SHTN1: variants seen among roughly 807,000 people sequenced by gnomAD.
SHTN1 encodes the protein shootin-1.
A neutral mutation model predicts 83.1 loss-of-function variants in SHTN1; 42 were observed. The ratio of observed to expected loss-of-function variants is 0.51; its 90% CI spans 0.39 to 0.65. The LOEUF is 0.65. Ranked by LOEUF, SHTN1 falls within the 30% of genes least tolerant of loss-of-function variation. The probability of loss-of-function intolerance (pLI) is 0.00; values close to 1 mark genes in which losing one functional copy is unlikely to be tolerated. For synonymous variants in SHTN1, 224 were observed against 247.7 expected, an observed-to-expected ratio of 0.90 and a Z score of 0.90; for missense variants, 622 against 737.8, an observed-to-expected ratio of 0.84 and a Z score of 1.82.
chr10:116,964,832 G>A (rs1326803070), intron 3 of SHTN1, among the ~76,000 whole-genome samples: 2 of 151,940 alleles, frequency 1.3e-5, no homozygotes, highest in Admixed American at 1.3e-4. Context: ...AAAATACAAA[G>A]TTAGCTGCCT....
intron 6 of SHTN1, among the ~76,000 whole-genome samples, chr10:116,949,390 G>A (rs1044090755): frequency 5.3e-5 from 8 of 151,992 alleles, no homozygotes; most frequent in Non-Finnish European, 7.4e-5. Flanking sequence ...TCAGCCTCCC[G>A]AAGTGCTGGG....
intron 1 of SHTN1, among the ~76,000 whole-genome samples, chr10:117,074,162 T>C (rs1379461078): frequency 6.6e-6 from 1 of 152,226 alleles, no homozygotes; most frequent in Admixed American, 6.5e-5. Flanking sequence ...ATTAGAAAGC[T>C]AATAGTCTCT....
intron 12 of SHTN1, among the ~76,000 whole-genome samples, chr10:116,920,089 C>T (rs1848503420): frequency 6.6e-6 from 1 of 152,070 alleles, no homozygotes; most frequent in Non-Finnish European, 1.5e-5. Flanking sequence ...GACATTAAAT[C>T]CTTAAAGTAA....
At chr10:117,009,377 G>A (rs1021860333), upstream of SHTN1, among the ~76,000 whole-genome samples, 10 of 151,620 alleles carry the variant, frequency 6.6e-5, no homozygotes, top group African/African-American at 2.4e-4. Context: ...CTGGCAGGAT[G>A]CAAAAAAAAG....
chr10:117,055,330 C>CT (rs2133591642), intron 1 of SHTN1, among the ~76,000 whole-genome samples: 1 of 152,260 alleles, frequency 6.6e-6, no homozygotes, highest in East Asian at 1.9e-4. Flanking sequence ...CTCAAGGCTT[C>CT]TTGGGTTTGT....
chr10:117,115,388 A>C (rs1415111098), intron 1 of SHTN1, among the ~76,000 whole-genome samples: 1 of 151,620 alleles, frequency 6.6e-6, no homozygotes, highest in Non-Finnish European at 1.5e-5. Context: ...GCAGCTAAAG[A>C]AAAAAAAAGG....
At chr10:117,117,715 T>A (rs554376701) in intron 1 of SHTN1, among the ~76,000 whole-genome samples, 2 of 152,162 alleles carry the variant, frequency 1.3e-5, no homozygotes, top group Admixed American at 1.3e-4. Context: ...GGAAACAGAA[T>A]AAAGAACCAA....
intron 1 of SHTN1, among the ~76,000 whole-genome samples, chr10:116,981,814 T>TTTGAGAGGGTGAGGCGGGCAGATC (rs1851028819): frequency 6.6e-6 from 1 of 152,142 alleles, no homozygotes; most frequent in Non-Finnish European, 1.5e-5. Flanking sequence ...ATGCCAGCAC[T>TTTGAGAGGGTGAGGCGGGCAGATC]TTGAGAGGGT....
chr10:116,968,623 A>C, intron 3 of SHTN1, 29 bp downstream of exon 3: 2 of 1,540,942 alleles, frequency 1.3e-6, no homozygotes, highest in South Asian at 1.1e-5. Context: ...TATATGTGTT[A>C]TAATAATTCC....
chr10:116,899,372 T>A (rs1193003260), intron 16 of SHTN1, among the ~76,000 whole-genome samples: 1 of 151,964 alleles, frequency 6.6e-6, no homozygotes, highest in Non-Finnish European at 1.5e-5. Context: ...GAGCAACACA[T>A]CCATGGAGGC....
chr10:117,019,607 C>T (rs1471783640), intron 2 of SHTN1, among the ~76,000 whole-genome samples: 3 of 151,708 alleles, frequency 2.0e-5, no homozygotes, highest in African/African-American at 7.3e-5. Context: ...TTTGGGAGGC[C>T]AAGGTGGGAA....
upstream of SHTN1, among the ~76,000 whole-genome samples, chr10:117,008,332 A>G (rs914296675): frequency 6.6e-6 from 1 of 152,026 alleles, no homozygotes; most frequent in Non-Finnish European, 1.5e-5. Context: ...GTAAAATCAC[A>G]TATGTCATCT....
chr10:116,904,827 T>C (rs1393669428), intron 15 of SHTN1, among the ~76,000 whole-genome samples: 1 of 152,188 alleles, frequency 6.6e-6, no homozygotes, highest in Non-Finnish European at 1.5e-5. Context: ...ACAATGTTTC[T>C]GGAGAAACGA....
chr10:116,996,432 T>A (rs1851629239), intron 1 of SHTN1, among the ~76,000 whole-genome samples: 1 of 152,166 alleles, frequency 6.6e-6, no homozygotes, highest in Non-Finnish European at 1.5e-5. Context: ...GATACAAACA[T>A]AAGAGAAATC....
At chr10:117,069,734 A>T (rs531614115) in intron 1 of SHTN1, among the ~76,000 whole-genome samples, 117 of 152,266 alleles carry the variant, frequency 7.7e-4, no homozygotes, top group African/African-American at 2.6e-3. Flanking sequence ...AGGAGAAGAG[A>T]GATCAGAGCA....
intron 1 of SHTN1, among the ~76,000 whole-genome samples, chr10:117,064,959 A>G (rs1005667233): frequency 2.0e-5 from 3 of 152,210 alleles, no homozygotes; most frequent in Admixed American, 1.3e-4. Context: ...CACCTCTCCC[A>G]GAGCTTGCTT....
rs1847104894 is a variant in SHTN1 at position 116,884,328 on chromosome 10, A to T, written c.*2016T>A. On this transcript the variant is annotated 3_prime_UTR_variant, in exon 17 of 17. Transcript: ENST00000355371. The stretch of plus-strand genomic sequence containing the variant: ...AAAAGGGAAAAACTGTAGGCAGAAA[A>T]AGGTGAGTGAATATCTTCCATCAAA... The T allele has an allele frequency of 2.2e-6, 1 of 446,644 alleles. No individual in the cohort carries two copies. The highest frequency in any genetic ancestry group is 4.6e-6 in the Non-Finnish European group (1 of 218,870). The allele number at this position is 446,644 out of a possible 1,614,324, so 27.7% of individuals were successfully genotyped here.
chr10:117,001,422 C>G (rs534031922), intron 1 of SHTN1, among the ~76,000 whole-genome samples: 108 of 152,198 alleles, frequency 7.1e-4, no homozygotes, highest in Non-Finnish European at 1.3e-3. Context: ...ATGACAGACT[C>G]CGTCATTACA....
intron 1 of SHTN1, among the ~76,000 whole-genome samples, chr10:117,073,897 C>T (rs1345287558): frequency 6.6e-6 from 1 of 152,158 alleles, no homozygotes; most frequent in Non-Finnish European, 1.5e-5. Flanking sequence ...CTGTCCCCCT[C>T]CAGAGCTCCC....
Sources: gnomAD v4.1 joint callset for allele counts (sites outside exome capture counted in the v4.1 genomes callset) on GRCh38, gnomAD v4.1.1 for gene constraint, MANE v1.5 for transcripts, NCBI Gene and HGNC (gene_info 2026-07-23, HGNC 2026-07-21) for gene names.